Variants in STAG2 observed in about 807,000 individuals in gnomAD.
The protein encoded by STAG2 is STAG2 cohesin complex component.
STAG2 carries 14 observed loss-of-function variants against 108.1 expected under a neutral mutation model. That is an observed-to-expected ratio of 0.13 (90% CI 0.09 to 0.20). The LOEUF (loss-of-function observed/expected upper bound fraction) is 0.20. STAG2 is among the 10% of genes least tolerant of loss of function. The pLI is 1.00. For synonymous variants in STAG2, 307 were observed against 302.7 expected (o/e 1.01, Z -0.15); for missense variants, 440 against 940.9 (o/e 0.47, Z 6.96).
At chrX:124,026,160 A>ATAG (rs1239839664) in intron 4 of STAG2, among the ~76,000 whole-genome samples, 11 of 106,228 alleles carry the variant, frequency 1.0e-4, no homozygotes, top group Non-Finnish European at 1.9e-4. Flanking sequence ...AATAATAATA[A>ATAG]TAATAATAAT....
At chrX:124,083,651 G>T in intron 29 of STAG2, 102 bp downstream of exon 29, 2 of 690,220 alleles carry the variant, frequency 2.9e-6, no homozygotes, top group Non-Finnish European at 4.0e-6. Flanking sequence ...AGAATTGTAG[G>T]ATTGCATTAA....
intron 23 of STAG2, among the ~76,000 whole-genome samples, chrX:124,067,449 G>T (rs764662836): frequency 3.3e-4 from 36 of 110,229 alleles, no homozygotes; most frequent in African/African-American, 1.1e-3. Context: ...TGCATTTTTA[G>T]TAGACATGGA....
At chrX:124,051,562 A>G (rs1016837484) in intron 13 of STAG2, among the ~76,000 whole-genome samples, 168 bp downstream of exon 13, 32 of 111,273 alleles carry the variant, frequency 2.9e-4, no homozygotes, top group Non-Finnish European at 5.5e-4. Flanking sequence ...CACAGGAAGA[A>G]GGAACCATAG....
chrX:124,022,570 C>T lies in STAG2; in HGVS notation c.-58C>T. 1 of 969,882 alleles carries T rather than the reference C, an allele frequency of 1.0e-6. No homozygotes were observed. Among genetic ancestry groups the T allele is most frequent in the South Asian group, 2.3e-5 (1 of 44,080 alleles). The allele number at this position is 969,882 out of a possible 1,213,427, so 79.9% of individuals were successfully genotyped here. ...GAAAGAAGGCAAGCCACCATTTTAC[C>T]CACGTAAATATATGAATATATTTCT... On this transcript the variant is annotated 5_prime_UTR_variant, in exon 3 of 35. Transcript: ENST00000371145.
intron 30 of STAG2, among the ~76,000 whole-genome samples, chrX:124,087,977 A>G (rs1003629187): frequency 6.2e-5 from 7 of 112,343 alleles, no homozygotes; most frequent in African/African-American, 1.9e-4. Context: ...TGATGGGGAA[A>G]TCTCTTTTAT....
Position 124,081,413 on chromosome X carries a change from A to G in STAG2, c.2809A>G (p.Asn937Asp). 1.7e-6 allele frequency: 2 copies of G among 1,172,492 alleles called. No individual in the cohort carries two copies. The highest frequency in any genetic ancestry group is 3.0e-5 in the East Asian group (1 of 32,908). ...FNEMIQENGY[N>D]FDRSSSTFSG... is the part of the protein sequence containing the mutation. ...TGAAATGATACAAGAAAATGGCTAT[A>G]ATTTTGATAGATCATCCTCTACATT... Residue 937 changes from asparagine to aspartate, a missense_variant, in exon 28 of 35, where the codon AAT becomes GAT. This residue lies in a region of STAG2 where 337 missense variants were observed against 649.3 expected (regional missense o/e 0.52). Coordinates refer to ENST00000371145, the MANE Select transcript of STAG2 (RefSeq NM_001042750.2).
chrX:124,063,284 T>A, intron 19 of STAG2, 79 bp downstream of exon 19: 1 of 790,939 alleles, frequency 1.3e-6, no homozygotes, highest in Non-Finnish European at 1.8e-6. Context: ...TTATATTTCT[T>A]AAAATGTTTT....
intron 11 of STAG2, among the ~76,000 whole-genome samples, chrX:124,050,601 C>T (rs749710834): frequency 5.3e-4 from 59 of 110,887 alleles, no homozygotes; most frequent in African/African-American, 1.8e-3. Flanking sequence ...GAAGAAGAAC[C>T]ATTACGCTGT....
chrX:123,986,098 C>T (rs985537249), intron 1 of STAG2, among the ~76,000 whole-genome samples: 3 of 103,073 alleles, frequency 2.9e-5, no homozygotes, highest in African/African-American at 7.1e-5. Context: ...TGATATATAT[C>T]ATGTATATAT....
chrX:124,058,154 C>CTTTTTTTTTTTTT (rs999044036), intron 15 of STAG2, among the ~76,000 whole-genome samples, 177 bp downstream of exon 15: 3 of 72,965 alleles, frequency 4.1e-5, no homozygotes, highest in African/African-American at 1.0e-4. Context: ...TACTTTTCTT[C>CTTTTTTTTTTTTT]TTTTTTTTTT....
At chrX:124,012,401 G>A (rs2056550134) in intron 1 of STAG2, among the ~76,000 whole-genome samples, 1 of 112,196 alleles carries the variant, frequency 8.9e-6, no homozygotes, top group African/African-American at 3.2e-5. Flanking sequence ...TTACCACTGT[G>A]TGGAATTACC....
chrX:124,022,389 AAGC>A, intron 2 of STAG2, 139 bp from the exon 3 acceptor site: 1 of 289,646 alleles, frequency 3.5e-6, no homozygotes, highest in South Asian at 9.1e-5. Context: ...AAAAAAAAGA[AAGC>A]AGTCAAATGC....
Position 123,984,762 on chromosome X carries a change from G to A in STAG2, c.-163+22906G>A, listed in dbSNP as rs1042987720. Among the ~76,000 whole-genome samples the A allele has an allele frequency of 5.4e-5, 6 of 110,320 alleles. 1 individual carries two copies. The highest frequency in any genetic ancestry group is 7.7e-4 in the South Asian group (2 of 2,597). ...AAGTGATCCTCCCACCTCAGCCTACGGAGTAGTTGGGCCCACAGGCACACG... is the reference window on the plus strand; with the variant it reads ...AAGTGATCCTCCCACCTCAGCCTACAGAGTAGTTGGGCCCACAGGCACACG... On this transcript the variant is annotated intron_variant, in intron 1 of 34. Coordinates refer to ENST00000371145, the MANE Select transcript of STAG2 (RefSeq NM_001042750.2).
chrX:124,031,602 G>A, intron 5 of STAG2, among the ~76,000 whole-genome samples: 2 of 108,460 alleles, frequency 1.8e-5, no homozygotes, highest in Admixed American at 2.0e-4. Context: ...ATTTTCAGTG[G>A]AGACGGGGTT....
intron 32 of STAG2, among the ~76,000 whole-genome samples, chrX:124,093,052 G>T (rs1403524875): frequency 1.8e-5 from 2 of 111,498 alleles, no homozygotes; most frequent in Non-Finnish European, 3.8e-5. Flanking sequence ...GACTGTGGGG[G>T]TGTCTTTGGA....
chrX:124,019,690 C>T (rs1374419825), intron 1 of STAG2, among the ~76,000 whole-genome samples: 1 of 111,529 alleles, frequency 9.0e-6, no homozygotes, highest in African/African-American at 3.3e-5. Context: ...AATCTCAGCA[C>T]TTTGGGAGGC....
At chrX:123,996,117 C>T (rs2055724864) in intron 1 of STAG2, among the ~76,000 whole-genome samples, 1 of 111,976 alleles carries the variant, frequency 8.9e-6, no homozygotes, top group Non-Finnish European at 1.9e-5. Context: ...CGATATAACC[C>T]CCGAACATGG....
intron 25 of STAG2, among the ~76,000 whole-genome samples, chrX:124,072,552 A>G (rs759886683): frequency 2.7e-5 from 3 of 111,190 alleles, no homozygotes; most frequent in Non-Finnish European, 5.7e-5. Flanking sequence ...GCTTTTGTTC[A>G]TAACATTGAT....
chrX:123,985,214 T>C (rs1336300541), intron 1 of STAG2, among the ~76,000 whole-genome samples: 2 of 111,319 alleles, frequency 1.8e-5, no homozygotes, highest in Non-Finnish European at 3.8e-5. Context: ...CAGTTGTCCT[T>C]ACAAGTTAAG....
Sources: gnomAD v4.1 joint callset for allele counts (sites outside exome capture counted in the v4.1 genomes callset) on GRCh38, gnomAD v4.1.1 for gene constraint, gnomAD v4.1.1 regional missense constraint, MANE v1.5 for transcripts, NCBI Gene and HGNC (gene_info 2026-07-23, HGNC 2026-07-21) for gene names.